Variants in CATSPERT observed in about 807,000 individuals in gnomAD.
CATSPERT encodes cation channel sperm-associated targeting subunit tau.
At chr2:201,572,079 G>T in the CATSPERT span, 1 of 1,251,694 alleles carries the variant, frequency 8.0e-7, no homozygotes, top group Non-Finnish European at 1.2e-6. Flanking sequence ...CTCACTAATT[G>T]TAATACCATA....
At chr2:201,494,077 A>G in the CATSPERT span, 12 of 1,534,978 alleles carry the variant, frequency 7.8e-6, no homozygotes, top group Non-Finnish European at 8.7e-6. Context: ...ATCTGCAGGA[A>G]TATTTTTAAT....
chr2:201,494,442 A>C, the CATSPERT span: 5 of 1,537,554 alleles, frequency 3.3e-6, no homozygotes, highest in Non-Finnish European at 4.4e-6. Flanking sequence ...GTAAAGATAC[A>C]TTTGGTAGAT....
chr2:201,528,384 C>A, the CATSPERT span, among the ~76,000 whole-genome samples: 1 of 152,138 alleles, frequency 6.6e-6, no homozygotes, highest in African/African-American at 2.4e-5. Flanking sequence ...ACAGAACTAC[C>A]ACTTGACCCA....
the CATSPERT span, among the ~76,000 whole-genome samples, chr2:201,607,020 A>G: frequency 1.4e-5 from 2 of 147,174 alleles, no homozygotes; most frequent in South Asian, 4.5e-4. Flanking sequence ...ATAAATAGTA[A>G]GGGAGAAAGA....
At chr2:201,586,582 A>G in the CATSPERT span, among the ~76,000 whole-genome samples, 3 of 152,220 alleles carry the variant, frequency 2.0e-5, no homozygotes, top group Non-Finnish European at 4.4e-5. Flanking sequence ...AGTTTACAAA[A>G]GATACAGATA....
chr2:201,530,726 C>T, the CATSPERT span, among the ~76,000 whole-genome samples: 1 of 152,114 alleles, frequency 6.6e-6, no homozygotes, highest in Non-Finnish European at 1.5e-5. Flanking sequence ...CTTTTAAACT[C>T]AATTAGAGCT....
the CATSPERT span, chr2:201,619,136 C>T: frequency 1.9e-6 from 3 of 1,613,974 alleles, no homozygotes; most frequent in Non-Finnish European, 2.5e-6. Flanking sequence ...TCCATCTCTC[C>T]ATCTTCTGCG....
At chr2:201,563,501 G>A in the CATSPERT span, among the ~76,000 whole-genome samples, 1 of 149,626 alleles carries the variant, frequency 6.7e-6, no homozygotes. Flanking sequence ...GGGGCGGCTG[G>A]CCGGGCAGAG....
chr2:201,550,766 C>T, the CATSPERT span: 9 of 152,022 alleles, frequency 5.9e-5, no homozygotes, highest in African/African-American at 1.9e-4. Flanking sequence ...CAAATTTATT[C>T]GGATCATTAA....
chr2:201,599,020 C>T, the CATSPERT span, among the ~76,000 whole-genome samples: 1 of 152,108 alleles, frequency 6.6e-6, no homozygotes, highest in East Asian at 1.9e-4. Context: ...AAACTGGTTT[C>T]CTGGCTTGCC....
chr2:201,519,106 T>C, the CATSPERT span, among the ~76,000 whole-genome samples: 1 of 152,178 alleles, frequency 6.6e-6, no homozygotes, highest in African/African-American at 2.4e-5. Flanking sequence ...AGTTCCCTTC[T>C]CCATTGTGAA....
the CATSPERT span, among the ~76,000 whole-genome samples, chr2:201,563,693 C>T: frequency 4.6e-5 from 7 of 152,162 alleles, 1 homozygote; most frequent in South Asian, 4.1e-4. Context: ...ACTCATTATA[C>T]TCTAAGTTCT....
At chr2:201,516,603 T>C in the CATSPERT span, among the ~76,000 whole-genome samples, 2 of 152,340 alleles carry the variant, frequency 1.3e-5, no homozygotes, top group Non-Finnish European at 2.9e-5. Context: ...GACCATATCA[T>C]GTGGTCTGTT....
the CATSPERT span, chr2:201,547,430 T>A: frequency 1.2e-6 from 1 of 852,018 alleles, no homozygotes; most frequent in Non-Finnish European, 1.7e-6. Context: ...TGATCATCAC[T>A]TTTAATTATC....
At chr2:201,581,954 A>C in the CATSPERT span, 2 of 1,039,432 alleles carry the variant, frequency 1.9e-6, no homozygotes, top group Non-Finnish European at 2.7e-6. Flanking sequence ...ATATAGCCAA[A>C]AGGAGATTTT....
chr2:201,594,446 C>A, the CATSPERT span, among the ~76,000 whole-genome samples: 4 of 151,322 alleles, frequency 2.6e-5, no homozygotes, highest in Admixed American at 6.6e-5. Flanking sequence ...TGAATCTGAC[C>A]ATTATGTGTC....
chr2:201,615,596 A>G, the CATSPERT span, among the ~76,000 whole-genome samples: 5 of 152,254 alleles, frequency 3.3e-5, no homozygotes, highest in Non-Finnish European at 7.3e-5. Flanking sequence ...TGCCCACAAG[A>G]GAAAGCAGGA....
the CATSPERT span, among the ~76,000 whole-genome samples, chr2:201,548,190 T>A: frequency 6.6e-6 from 1 of 152,084 alleles, no homozygotes; most frequent in African/African-American, 2.4e-5. Context: ...CCTAATGCTA[T>A]CCCTCCCCCA....
chr2:201,545,745 C>T, the CATSPERT span: 2 of 531,266 alleles, frequency 3.8e-6, no homozygotes, highest in Admixed American at 4.2e-5. Flanking sequence ...CCTTCCTCCA[C>T]ACCCAAATTT....
Sources: gnomAD v4.1 joint callset for allele counts (sites outside exome capture counted in the v4.1 genomes callset) on GRCh38, gnomAD v4.1.1 for gene constraint, MANE v1.5 for transcripts, NCBI Gene and HGNC (gene_info 2026-07-23, HGNC 2026-07-21) for gene names.